The following BEND3 variants were observed in gnomAD, a reference collection of about 807,000 sequenced individuals.
BEND3 encodes BEN domain-containing protein 3.
In BEND3, 13 loss-of-function variants were observed where a neutral mutation model predicts 60.1. That is an observed-to-expected ratio of 0.22 (90% confidence interval 0.14 to 0.34). The LOEUF (loss-of-function observed/expected upper bound fraction) is 0.34, where lower values mean the gene tolerates loss of function less well. BEND3 is among the 10% of genes least tolerant of loss of function. The probability of loss-of-function intolerance (pLI) is 1.00; values close to 1 mark genes in which losing one functional copy is unlikely to be tolerated. For synonymous variants in BEND3, 497 were observed against 491.5 expected, an observed-to-expected ratio of 1.01 and a Z score of -0.15; for missense variants, 896 against 1,138.1, an observed-to-expected ratio of 0.79 and a Z score of 3.06.
intron 3 of BEND3, among the ~76,000 whole-genome samples, chr6:107,089,601 T>TCC: frequency 1.7e-5 from 1 of 59,416 alleles, no homozygotes; most frequent in Non-Finnish European, 4.4e-5. Flanking sequence ...AAAAAAAGGA[T>TCC]TTTTTTTTTT....
rs1175387622 is a variant in BEND3, at chr6:107,078,732, T to A, written c.241-7782A>T. On this transcript the variant is annotated intron_variant, in intron 3 of 3. Coordinates refer to ENST00000369042, the MANE Select transcript of BEND3 (RefSeq NM_001367314.1). ...GCGAGGCGGGCAGTGTCACCCCTCATGACGGTGGAGGAACCTGAGTTTTGG... is the reference window on the plus strand; with the variant it reads ...GCGAGGCGGGCAGTGTCACCCCTCAAGACGGTGGAGGAACCTGAGTTTTGG... Among the ~76,000 whole-genome samples the A allele has an allele frequency of 6.0e-5, 9 of 151,036 alleles. 2 individuals carry two copies. In the South Asian group the frequency reaches 1.9e-3, roughly 32 times the overall value.
At chr6:107,084,966 C>T (rs923832932) in intron 3 of BEND3, among the ~76,000 whole-genome samples, 2 of 152,316 alleles carry the variant, frequency 1.3e-5, no homozygotes, top group South Asian at 2.1e-4. Flanking sequence ...TTTGTTCTCT[C>T]GCTCTTCACA....
intron 3 of BEND3, among the ~76,000 whole-genome samples, chr6:107,092,628 T>C (rs1775499718): frequency 6.7e-6 from 1 of 149,596 alleles, no homozygotes; most frequent in South Asian, 2.2e-4. Context: ...TCTTAGGTAA[T>C]GCAATAAGAA....
At chr6:107,113,043 A>C (rs1238207578) in intron 1 of BEND3, among the ~76,000 whole-genome samples, 1 of 152,132 alleles carries the variant, frequency 6.6e-6, no homozygotes, top group Non-Finnish European at 1.5e-5. Context: ...CTGTAGTCCC[A>C]GCTACTCGGG....
intron 3 of BEND3, among the ~76,000 whole-genome samples, chr6:107,071,461 G>A (rs1033760964): frequency 4.6e-5 from 7 of 152,120 alleles, no homozygotes; most frequent in African/African-American, 7.2e-5. Flanking sequence ...GAGAGCAGGC[G>A]TCCCTTTTCG....
intron 1 of BEND3, among the ~76,000 whole-genome samples, chr6:107,114,677 C>G (rs1404243713): frequency 6.8e-6 from 1 of 147,018 alleles, no homozygotes; most frequent in African/African-American, 2.4e-5. Context: ...CCGGCCGCCC[C>G]GGCCGCTCCA....
At chr6:107,104,358 G>A (rs1273626655) in intron 1 of BEND3, among the ~76,000 whole-genome samples, 2 of 151,486 alleles carry the variant, frequency 1.3e-5, no homozygotes, top group Non-Finnish European at 2.9e-5. Flanking sequence ...ACACACTACA[G>A]GACACTTCAT....
At chr6:107,088,933 G>T (rs1220369106) in intron 3 of BEND3, among the ~76,000 whole-genome samples, 1 of 152,084 alleles carries the variant, frequency 6.6e-6, no homozygotes, top group Non-Finnish European at 1.5e-5. Flanking sequence ...ATCATCTGAG[G>T]TCAGGATCTG....
At chr6:107,079,644 C>T (rs1307036499) in intron 3 of BEND3, among the ~76,000 whole-genome samples, 8 of 152,116 alleles carry the variant, frequency 5.3e-5, no homozygotes, top group South Asian at 2.1e-4. Flanking sequence ...AAGGGGACAA[C>T]GGAACTTTTC....
rs1003498062 is a variant in BEND3, at chr6:107,072,818, A to G, written c.241-1868T>C. Among the ~76,000 whole-genome samples the G allele has an allele frequency of 4.6e-5, 7 of 152,054 alleles. No homozygotes were observed. The South Asian group carries it at 1.5e-3, about 32-fold the overall frequency. On this transcript the variant is annotated intron_variant, in intron 3 of 3. Transcript: ENST00000369042. ...GGGAACATGGCGAAACACTGTCTCT[A>G]CTAAAAAAATACAAAAAAAATTAGC...
At chr6:107,103,396 T>C (rs1554236951) in intron 1 of BEND3, among the ~76,000 whole-genome samples, 1 of 152,174 alleles carries the variant, frequency 6.6e-6, no homozygotes, top group Admixed American at 6.6e-5. Context: ...ATAGGCTACG[T>C]AGGCGCTGCC....
chr6:107,105,793 A>AG (rs1368578939), intron 1 of BEND3, among the ~76,000 whole-genome samples: 3 of 152,220 alleles, frequency 2.0e-5, no homozygotes, highest in Non-Finnish European at 4.4e-5. Flanking sequence ...GTGCCAGTCC[A>AG]GGAAGACCTG....
intron 1 of BEND3, among the ~76,000 whole-genome samples, chr6:107,109,078 T>C (rs1775883421): frequency 6.6e-6 from 1 of 151,798 alleles, no homozygotes; most frequent in Non-Finnish European, 1.5e-5. Flanking sequence ...GGTGCTGGGA[T>C]TACAGGTATG....
At position 107,070,637 on chromosome 6, in the gene BEND3, C is replaced by A. The variant is rs781899102; in HGVS notation, c.554G>T (p.Gly185Val). The change falls in exon 4 of 4, where the codon GGC becomes GTC. Residue 185 changes from glycine (G) to valine (V), a missense_variant. Gly to Val is a moderately radical substitution (Grantham distance 109, BLOSUM62 -3). This residue lies in a region of BEND3 where 846 missense variants were observed against 1,036.7 expected (regional missense o/e 0.82). Transcript: ENST00000369042. The surrounding 1 kb of genome is among the most constrained non-coding windows in gnomAD (Gnocchi z 6.9). The stretch of plus-strand genomic sequence containing the variant: ...GTAGATGTTGGGGTCGTTGTCAGTG[C>A]CTGCCCCGGTGCTGCCACAGTCCCG... ...QKRDCGSTGA[G>V]TDNDPNIYFL... The A allele has an allele frequency of 4.3e-6, 7 of 1,612,138 alleles. No homozygotes were observed. In the East Asian group the frequency reaches 1.3e-4, roughly 31 times the overall value.
intron 1 of BEND3, among the ~76,000 whole-genome samples, chr6:107,109,210 G>A (rs1344008925): frequency 1.3e-5 from 2 of 151,842 alleles, no homozygotes; most frequent in Non-Finnish European, 2.9e-5. Flanking sequence ...ATCACTTTGG[G>A]AGGCCGAGGT....
rs782147371 is a variant in BEND3, at chr6:107,070,751, C to T, written c.440G>A (p.Gly147Glu). 4.3e-6 allele frequency: 7 copies of T among 1,613,950 alleles called. No homozygotes were observed. Among genetic ancestry groups the T allele is most frequent in the Admixed American group, 3.3e-5 (2 of 59,988 alleles). The change falls in exon 4 of 4, where the codon GGG (glycine) becomes GAG (glutamate). Residue 147 changes from glycine (G) to glutamate (E), a missense_variant. By Grantham distance (98) the Gly-to-Glu change is moderately conservative (BLOSUM62 -2). Coordinates refer to ENST00000369042, the MANE Select transcript of BEND3 (RefSeq NM_001367314.1). The surrounding 1 kb of genome is among the most constrained non-coding windows in gnomAD (Gnocchi z 6.9). The part of the protein sequence containing the change: ...KIMEKKNPPS[G>E]DLLNVYELFE... ...GAGCTCGTACACGTTTAGCAGGTCCCCCGAGGGAGGATTCTTCTTCTCCAT... is the reference window on the plus strand; with the variant it reads ...GAGCTCGTACACGTTTAGCAGGTCCTCCGAGGGAGGATTCTTCTTCTCCAT...
intron 3 of BEND3, among the ~76,000 whole-genome samples, chr6:107,077,425 C>A (rs1775123432): frequency 6.6e-6 from 1 of 152,072 alleles, no homozygotes. Context: ...CCAGTGGTAC[C>A]CCTCACTAAG....
chr6:107,107,253 C>T (rs1420141572), intron 1 of BEND3, among the ~76,000 whole-genome samples: 11 of 151,864 alleles, frequency 7.2e-5, no homozygotes, highest in African/African-American at 2.2e-4. Flanking sequence ...GGTTTTTAAC[C>T]GAGTTAAAAT....
At position 107,112,934 on chromosome 6, in the gene BEND3, G is replaced by A. The variant is rs939378570; in HGVS notation, c.-12+2156C>T. On this transcript the variant is annotated intron_variant, in intron 1 of 3. Transcript: ENST00000369042. Reference sequence around the variant, plus strand: ...AACATTTTGGGAGGCCAAGGTGAGCGGATCATGAGGTCAGGAGATTGAGAC... The same window carrying A: ...AACATTTTGGGAGGCCAAGGTGAGCAGATCATGAGGTCAGGAGATTGAGAC... Among the ~76,000 whole-genome samples, 11 of 151,808 alleles carry A rather than the reference G, an allele frequency of 7.2e-5. 1 individual carries two copies. Among genetic ancestry groups the A allele is most frequent in the Admixed American group, 2.6e-4 (4 of 15,220 alleles).
Sources: gnomAD v4.1 joint callset for allele counts (sites outside exome capture counted in the v4.1 genomes callset) on GRCh38, gnomAD v4.1.1 for gene constraint, gnomAD v4.1.1 regional missense constraint, Gnocchi (gnomAD v3.1) non-coding constraint, MANE v1.5 for transcripts, NCBI Gene and HGNC (gene_info 2026-07-23, HGNC 2026-07-21) for gene names.